Variants in CDH1 observed in about 807,000 individuals in gnomAD.
CDH1 encodes cadherin-1.
CDH1 carries 35 observed loss-of-function variants against 84.5 expected under a neutral mutation model. That is an observed-to-expected ratio of 0.41 (90% CI 0.32 to 0.55). The LOEUF (loss-of-function observed/expected upper bound fraction) is 0.55. CDH1 is among the 20% of genes least tolerant of loss of function. The probability of loss-of-function intolerance (pLI) is 0.19; values close to 1 mark genes in which losing one functional copy is unlikely to be tolerated. For missense variants in CDH1, 994 were observed against 1,126.6 expected (o/e 0.88, Z 1.68); for synonymous variants, 417 against 439.0 (o/e 0.95, Z 0.63).
At chr16:68,785,071 C>A (rs755550180) in intron 2 of CDH1, among the ~76,000 whole-genome samples, 2 of 152,124 alleles carry the variant, frequency 1.3e-5, no homozygotes, top group Non-Finnish European at 2.9e-5. Context: ...CTACTCCCAC[C>A]CTGTCTCCCT....
At chr16:68,741,844 T>A (rs1406510523) in intron 2 of CDH1, among the ~76,000 whole-genome samples, 2 of 152,164 alleles carry the variant, frequency 1.3e-5, no homozygotes, top group Non-Finnish European at 2.9e-5. Context: ...CATGCCTTTG[T>A]ATTTTTAGTA....
intron 2 of CDH1, among the ~76,000 whole-genome samples, chr16:68,755,282 CAAAAAAAA>C (rs1188775959): frequency 1.0e-5 from 1 of 96,054 alleles, no homozygotes. Context: ...GACTCTGTCT[CAAAAAAAA>C]AAAAAAAAAA....
At chr16:68,832,412 G>A (rs940861867) in intron 15 of CDH1, among the ~76,000 whole-genome samples, 1 of 151,882 alleles carries the variant, frequency 6.6e-6, no homozygotes, top group Admixed American at 6.6e-5. Context: ...GGAGGTGGAG[G>A]ATGCAGTGAG....
chr16:68,825,743 G>A (rs942358621), intron 13 of CDH1, among the ~76,000 whole-genome samples: 1 of 151,206 alleles, frequency 6.6e-6, no homozygotes, highest in Non-Finnish European at 1.5e-5. Flanking sequence ...TTACATTTCA[G>A]TGGCCTGGTC....
chr16:68,763,103 C>G (rs948660213), intron 2 of CDH1, among the ~76,000 whole-genome samples: 2 of 152,002 alleles, frequency 1.3e-5, no homozygotes, highest in East Asian at 3.9e-4. Context: ...CGTTCAATTC[C>G]CCTGCTTTTT....
intron 2 of CDH1, among the ~76,000 whole-genome samples, chr16:68,756,094 A>AG (rs900141519): frequency 6.6e-6 from 1 of 151,026 alleles, no homozygotes; most frequent in African/African-American, 2.4e-5. Context: ...CTTCCTGCAG[A>AG]GGGATGATAT....
chr16:68,768,497 T>C (rs981138346), intron 2 of CDH1, among the ~76,000 whole-genome samples: 1 of 152,234 alleles, frequency 6.6e-6, no homozygotes, highest in Non-Finnish European at 1.5e-5. Context: ...GGACTTTCCA[T>C]TGATATTTGT....
chr16:68,815,880 T>A, intron 10 of CDH1, 121 bp downstream of exon 10: 1 of 1,208,872 alleles, frequency 8.3e-7, no homozygotes, highest in Non-Finnish European at 1.2e-6. Flanking sequence ...ACCATTCTCT[T>A]AATTTATTTT....
At position 68,782,979 on chromosome 16, in the gene CDH1, C is replaced by T. The variant is rs577493456; in HGVS notation, c.164-18691C>T. ...AGAAGGACTATATAGTCTCCCATAT[C>T]CTAAGTGTCTCATTTCTGAAAACAC... On this transcript the variant is annotated intron_variant, in intron 2 of 15. Transcript: ENST00000261769. Among the ~76,000 whole-genome samples the T allele has an allele frequency of 7.5e-4, 114 of 152,262 alleles. No homozygotes were observed. In the Middle Eastern group the frequency reaches 0.01, roughly 14 times the overall value.
intron 2 of CDH1, among the ~76,000 whole-genome samples, chr16:68,800,874 G>C (rs1481937370): frequency 1.3e-5 from 2 of 152,142 alleles, no homozygotes; most frequent in Non-Finnish European, 2.9e-5. Flanking sequence ...ACCACTGCCT[G>C]AAATTTTAAG....
chr16:68,831,219 C>T (rs547974739), intron 15 of CDH1, among the ~76,000 whole-genome samples: 2 of 150,666 alleles, frequency 1.3e-5, no homozygotes, highest in South Asian at 2.1e-4. Context: ...GCTGTGCCTA[C>T]AGGCACCTGC....
rs1960722851 is a variant in CDH1, at chr16:68,808,404, C to T, written c.388-20C>T. ...CGTCTTGAATTGTCTTATCTTGTTC[C>T]TCATCTTCTTTCCTTTTAGGCCTCC... On this transcript the variant is annotated intron_variant, in intron 3 of 15. Coordinates refer to ENST00000261769, the MANE Select transcript of CDH1 (RefSeq NM_004360.5). 1 of 1,613,990 alleles carries T rather than the reference C, an allele frequency of 6.2e-7. No individual in the cohort carries two copies. Among genetic ancestry groups the T allele is most frequent in the Non-Finnish European group, 8.5e-7 (1 of 1,179,888 alleles).
chr16:68,740,782 T>TA (rs1962543761), intron 2 of CDH1, among the ~76,000 whole-genome samples: 1 of 152,190 alleles, frequency 6.6e-6, no homozygotes, highest in East Asian at 1.9e-4. Context: ...TCACATATTT[T>TA]ACCTCATTTA....
At chr16:68,810,548 T>C (rs1960793106) in intron 6 of CDH1, among the ~76,000 whole-genome samples, 1 of 150,782 alleles carries the variant, frequency 6.6e-6, no homozygotes, top group Non-Finnish European at 1.5e-5. Flanking sequence ...AAGAACAATC[T>C]TCCCTTTTTT....
intron 3 of CDH1, among the ~76,000 whole-genome samples, 188 bp downstream of exon 3, chr16:68,802,081 A>T (rs1369365512): frequency 6.6e-6 from 1 of 152,198 alleles, no homozygotes; most frequent in Non-Finnish European, 1.5e-5. Context: ...TAGCACTTCC[A>T]CCAGTTATGA....
intron 2 of CDH1, among the ~76,000 whole-genome samples, chr16:68,777,106 A>G: frequency 6.6e-6 from 1 of 152,204 alleles, no homozygotes; most frequent in Non-Finnish European, 1.5e-5. Flanking sequence ...AGAGAAAGCC[A>G]CAGTCCCCCC....
intron 2 of CDH1, among the ~76,000 whole-genome samples, chr16:68,788,775 G>T (rs1960134772): frequency 6.6e-6 from 1 of 152,068 alleles, no homozygotes; most frequent in Non-Finnish European, 1.5e-5. Context: ...GAGACGGGTG[G>T]ATCACAAGAT....
chr16:68,829,595 TG>T, intron 14 of CDH1, 58 bp from the exon 15 acceptor site: 1 of 1,527,676 alleles, frequency 6.5e-7, no homozygotes, highest in South Asian at 1.1e-5. Context: ...AACATAGCCC[TG>T]TGTGTATGAC....
At chr16:68,789,342 A>C (rs1960150398) in intron 2 of CDH1, among the ~76,000 whole-genome samples, 1 of 151,928 alleles carries the variant, frequency 6.6e-6, no homozygotes, top group South Asian at 2.1e-4. Context: ...AGGTGTTTAA[A>C]AATAGAATAA....
Sources: gnomAD v4.1 joint callset for allele counts (sites outside exome capture counted in the v4.1 genomes callset) on GRCh38, gnomAD v4.1.1 for gene constraint, MANE v1.5 for transcripts, NCBI Gene and HGNC (gene_info 2026-07-23, HGNC 2026-07-21) for gene names.